The following TRHDE variants were observed in gnomAD, a reference collection of about 807,000 sequenced individuals.
The protein encoded by TRHDE is thyrotropin-releasing hormone-degrading ectoenzyme.
A neutral mutation model predicts 125.7 loss-of-function variants in TRHDE; 72 were observed. That is an observed-to-expected ratio of 0.57 (90% CI 0.47 to 0.70). TRHDE has a LOEUF of 0.70. Ranked by LOEUF, TRHDE falls within the 30% of genes least tolerant of loss-of-function variation. The pLI, the probability that TRHDE is intolerant of heterozygous loss-of-function variation, is 0.00. For missense variants in TRHDE, 1,110 were observed against 1,327.1 expected (o/e 0.84, Z 2.54); for synonymous variants, 509 against 509.1 (o/e 1.00, Z 0.00).
intron 2 of TRHDE, among the ~76,000 whole-genome samples, chr12:72,230,796 T>C (rs528388687): frequency 6.6e-6 from 1 of 152,266 alleles, no homozygotes; most frequent in Non-Finnish European, 1.5e-5. Flanking sequence ...AATATGCTTA[T>C]AAAAGTTGGT....
At chr12:72,599,153 G>A (rs1872103529) in intron 12 of TRHDE, among the ~76,000 whole-genome samples, 1 of 152,016 alleles carries the variant, frequency 6.6e-6, no homozygotes, top group African/African-American at 2.4e-5. Context: ...TTGATTCTAT[G>A]TCTTTGCTAT....
rs1874992441 is a variant in TRHDE, at chr12:72,663,315, A to T, written c.*120A>T. The T allele has an allele frequency of 4.0e-6, 3 of 744,692 alleles. No homozygotes were observed. The highest frequency in any genetic ancestry group is 1.8e-5 in the African/African-American group (1 of 54,566). 46.1% of individuals were successfully genotyped at this position (744,692 alleles called of 1,614,324 possible). A position where few individuals can be genotyped will look rare whatever the true frequency, so the allele number is the denominator to read the frequency against. On this transcript the variant is annotated 3_prime_UTR_variant, in exon 19 of 19. Transcript: ENST00000261180. Reference sequence around the variant, plus strand: ...CAGATTTTCAGTGTTAACGTGTGGGAGGAATTTTTTTTTTAGTTTTTATTT... The same window carrying T: ...CAGATTTTCAGTGTTAACGTGTGGGTGGAATTTTTTTTTTAGTTTTTATTT...
At chr12:72,547,700 G>GA (rs1401869099) in intron 7 of TRHDE, among the ~76,000 whole-genome samples, 1 of 151,652 alleles carries the variant, frequency 6.6e-6, no homozygotes, top group African/African-American at 2.4e-5. Flanking sequence ...AGGACATCTG[G>GA]AAAGCAAGAT....
chr12:72,161,699 T>C (rs1566257053), intron 2 of TRHDE, among the ~76,000 whole-genome samples: 2 of 152,218 alleles, frequency 1.3e-5, no homozygotes, highest in Non-Finnish European at 2.9e-5. Context: ...CCTGCTTTGT[T>C]GGCAGAAGTA....
intron 2 of TRHDE, among the ~76,000 whole-genome samples, chr12:72,156,089 C>T (rs1876499644): frequency 6.6e-6 from 1 of 152,196 alleles, no homozygotes; most frequent in African/African-American, 2.4e-5. Context: ...CAAGCCTCGG[C>T]AGTGGCGGGC....
At chr12:72,117,626 A>T (rs1361694526) in intron 2 of TRHDE, among the ~76,000 whole-genome samples, 2 of 152,116 alleles carry the variant, frequency 1.3e-5, no homozygotes, top group African/African-American at 4.8e-5. Context: ...TGTCATTGGT[A>T]TTTTGATAGG....
chr12:72,425,099 G>GATAGCTTT lies in TRHDE; in HGVS notation c.1316-44655_1316-44648dup, dbSNP rs940489963. ...ACATTGAATTTTATTTTAGGTTTAG[G>GATAGCTTT]ATAGCTTTATAAAAAGACCAATTGC... is the stretch of plus-strand genomic sequence containing the variant. On this transcript the variant is annotated intron_variant, in intron 3 of 18. Coordinates refer to ENST00000261180, the MANE Select transcript of TRHDE (RefSeq NM_013381.3). Among the ~76,000 whole-genome samples, 7 of 152,004 alleles carry GATAGCTTT rather than the reference G, an allele frequency of 4.6e-5. 1 individual carries two copies. The highest frequency in any genetic ancestry group is 1.7e-4 in the African/African-American group (7 of 41,394).
chr12:72,339,563 T>C (rs2135728398), intron 2 of TRHDE, among the ~76,000 whole-genome samples: 1 of 152,284 alleles, frequency 6.6e-6, no homozygotes, highest in South Asian at 2.1e-4. Flanking sequence ...AGCAGGATTT[T>C]GCTCTCATAG....
chr12:72,377,431 A>G (rs1265137192), intron 2 of TRHDE, among the ~76,000 whole-genome samples: 1 of 152,124 alleles, frequency 6.6e-6, no homozygotes, highest in Admixed American at 6.6e-5. Flanking sequence ...GCAGTTGCAG[A>G]CAGCCTTCCA....
intron 2 of TRHDE, among the ~76,000 whole-genome samples, chr12:72,306,904 T>C (rs978040722): frequency 3.3e-5 from 5 of 152,094 alleles, no homozygotes; most frequent in Non-Finnish European, 5.9e-5. Flanking sequence ...ACAGAGAAAG[T>C]AGACCTTGGG....
chr12:72,313,098 A>T (rs111400639), intron 2 of TRHDE, among the ~76,000 whole-genome samples: 33 of 152,172 alleles, frequency 2.2e-4, no homozygotes, highest in African/African-American at 7.9e-4. Context: ...TATTAGGTTT[A>T]TGATTTCATT....
At chr12:72,519,790 C>A (rs1467889265) in intron 6 of TRHDE, among the ~76,000 whole-genome samples, 1 of 152,060 alleles carries the variant, frequency 6.6e-6, no homozygotes, top group Non-Finnish European at 1.5e-5. Context: ...TACTTTTGGT[C>A]TTTGATGATG....
chr12:72,317,653 ATAGTT>A (rs1349413484), intron 2 of TRHDE, among the ~76,000 whole-genome samples: 2 of 152,174 alleles, frequency 1.3e-5, no homozygotes, highest in Admixed American at 6.5e-5. Flanking sequence ...CATTGGAGAT[ATAGTT>A]TAAATTTTGG....
At chr12:72,352,259 G>A (rs1344792580) in intron 2 of TRHDE, among the ~76,000 whole-genome samples, 1 of 151,542 alleles carries the variant, frequency 6.6e-6, no homozygotes, top group Non-Finnish European at 1.5e-5. Context: ...GATTTGGCCA[G>A]CATTTTCTTA....
rs187033581 is a variant in TRHDE at position 72,302,389 on chromosome 12, G to C, written c.1188+15435G>C. Among the ~76,000 whole-genome samples the C allele has an allele frequency of 9.8e-4, 149 of 152,004 alleles. 1 individual carries two copies. Among genetic ancestry groups the C allele is most frequent in the East Asian group, 7.5e-3 (39 of 5,172 alleles). ...AAAAGAGAATATTTCTGCCCTAATG[G>C]AACTTCATAAAAATCATTCAAGTAA... On this transcript the variant is annotated intron_variant, in intron 2 of 18. Coordinates refer to ENST00000261180, the MANE Select transcript of TRHDE (RefSeq NM_013381.3).
At chr12:72,363,482 A>G (rs1871208549) in intron 2 of TRHDE, among the ~76,000 whole-genome samples, 1 of 152,026 alleles carries the variant, frequency 6.6e-6, no homozygotes, top group African/African-American at 2.4e-5. Flanking sequence ...AAATCAATAA[A>G]TGTAATCCAG....
At chr12:72,592,508 T>A (rs555728008) in intron 12 of TRHDE, among the ~76,000 whole-genome samples, 1 of 152,210 alleles carries the variant, frequency 6.6e-6, no homozygotes, top group Non-Finnish European at 1.5e-5. Context: ...CATAAGTTAG[T>A]TATTTTTGGA....
intron 1 of TRHDE, among the ~76,000 whole-genome samples, chr12:72,096,134 TACACAC>T (rs144560604): frequency 1.1e-4 from 16 of 145,098 alleles, no homozygotes; most frequent in Non-Finnish European, 1.8e-4. Flanking sequence ...CTTATGTGTA[TACACAC>T]ACACACACAC....
chr12:72,660,310 A>C (rs1874866852), intron 18 of TRHDE, among the ~76,000 whole-genome samples: 1 of 152,202 alleles, frequency 6.6e-6, no homozygotes, highest in Non-Finnish European at 1.5e-5. Context: ...GAAGCACAGC[A>C]CCACAGGGAG....
Sources: allele counts gnomAD v4.1 joint callset (sites outside exome capture counted in the v4.1 genomes callset), GRCh38; gene constraint gnomAD v4.1.1; transcripts MANE v1.5; gene names NCBI Gene and HGNC (gene_info 2026-07-23, HGNC 2026-07-21).